Variants in CNTN4 observed in about 807,000 individuals in gnomAD.
The protein encoded by CNTN4 is contactin 4.
CNTN4 carries 77 observed loss-of-function variants against 122.5 expected under a neutral mutation model. The ratio of observed to expected loss-of-function variants is 0.63; its 90% confidence interval spans 0.52 to 0.76. CNTN4 has a LOEUF of 0.76. Ranked by LOEUF, CNTN4 falls within the 30% of genes least tolerant of loss-of-function variation. CNTN4 has a pLI of 0.00. For missense variants in CNTN4, 1,256 were observed against 1,259.1 expected (o/e 1.00, Z 0.04); for synonymous variants, 512 against 447.0 (o/e 1.15, Z -1.83).
At chr3:2,370,574 A>G (rs373246898) in intron 3 of CNTN4, among the ~76,000 whole-genome samples, 8 of 152,278 alleles carry the variant, frequency 5.3e-5, no homozygotes, top group African/African-American at 1.7e-4. Flanking sequence ...GAATGAGACA[A>G]TTTGATTCAA....
intron 3 of CNTN4, among the ~76,000 whole-genome samples, chr3:2,401,373 G>T (rs1053359370): frequency 6.6e-6 from 1 of 152,044 alleles, no homozygotes; most frequent in South Asian, 2.1e-4. Context: ...CAGTCAGATC[G>T]ATCTACTCGT....
intron 4 of CNTN4, among the ~76,000 whole-genome samples, chr3:2,674,845 G>T (rs912417497): frequency 6.6e-6 from 1 of 151,332 alleles, no homozygotes; most frequent in African/African-American, 2.4e-5. Context: ...ATGTAGCTGT[G>T]AATTTGGATC....
intron 7 of CNTN4, among the ~76,000 whole-genome samples, chr3:2,844,708 A>G (rs1268156581): frequency 6.6e-6 from 1 of 152,238 alleles, no homozygotes; most frequent in Non-Finnish European, 1.5e-5. Context: ...TAGGAAGCAT[A>G]TGTAGAGACT....
At chr3:2,529,774 TGAG>T (rs992513395) in intron 3 of CNTN4, among the ~76,000 whole-genome samples, 114 of 151,804 alleles carry the variant, frequency 7.5e-4, no homozygotes, top group African/African-American at 2.5e-3. Context: ...CACCATATGA[TGAG>T]GAGGAGGAGG....
intron 2 of CNTN4, among the ~76,000 whole-genome samples, chr3:2,185,876 A>T (rs535704795): frequency 6.6e-6 from 1 of 152,244 alleles, no homozygotes; most frequent in South Asian, 2.1e-4. Context: ...AGCCTTAATT[A>T]TAACATATCC....
intron 4 of CNTN4, among the ~76,000 whole-genome samples, chr3:2,646,839 G>A (rs949723032): frequency 6.6e-6 from 1 of 151,998 alleles, no homozygotes; most frequent in African/African-American, 2.4e-5. Flanking sequence ...CTTCTTATAA[G>A]GACAGCAGTC....
intron 4 of CNTN4, among the ~76,000 whole-genome samples, chr3:2,731,236 T>A (rs561356665): frequency 6.6e-6 from 1 of 152,180 alleles, no homozygotes; most frequent in Non-Finnish European, 1.5e-5. Flanking sequence ...TTTTTTCTGA[T>A]AATCCAAAGA....
chr3:2,863,360 T>G (rs1178881411), intron 7 of CNTN4, among the ~76,000 whole-genome samples: 1 of 151,780 alleles, frequency 6.6e-6, no homozygotes, highest in East Asian at 1.9e-4. Flanking sequence ...TCCACAGTAT[T>G]TACAAATGTC....
rs2034980887 is a variant in CNTN4, at chr3:2,141,259, T to C, written c.-145+40620T>C. 3.3e-5 allele frequency among the ~76,000 whole-genome samples: 5 copies of C among 152,280 alleles called. No individual in the cohort carries two copies. The East Asian group carries it at 9.7e-4, about 29-fold the overall frequency. Reference sequence around the variant, plus strand: ...TCTGCCAATATGATGAAGGTAAGGATCTTAAAATGAGGAAAAAATTCTGGA... The same window carrying C: ...TCTGCCAATATGATGAAGGTAAGGACCTTAAAATGAGGAAAAAATTCTGGA... On this transcript the variant is annotated intron_variant, in intron 2 of 24. Transcript: ENST00000418658.
intron 12 of CNTN4, among the ~76,000 whole-genome samples, chr3:2,916,921 G>A (rs7429939): frequency 0.4 from 55,256 of 138,740 alleles, 11,590 homozygotes; most frequent in East Asian, 0.61. Context: ...AGAGGCTGCA[G>A]TCTCGGCACT....
At chr3:2,223,767 G>A (rs1158990001) in intron 2 of CNTN4, among the ~76,000 whole-genome samples, 1 of 152,196 alleles carries the variant, frequency 6.6e-6, no homozygotes, top group African/African-American at 2.4e-5. Context: ...GTGGTACATG[G>A]TAGTATAAGG....
intron 4 of CNTN4, among the ~76,000 whole-genome samples, chr3:2,664,535 C>T (rs1470458725): frequency 6.6e-6 from 1 of 152,064 alleles, no homozygotes; most frequent in Non-Finnish European, 1.5e-5. Flanking sequence ...GAAGATAATA[C>T]ACTTAGCTAT....
intron 3 of CNTN4, among the ~76,000 whole-genome samples, chr3:2,359,602 G>C (rs1417013895): frequency 6.6e-5 from 10 of 152,026 alleles, no homozygotes; most frequent in Non-Finnish European, 1.3e-4. Context: ...TGCAGTGGCA[G>C]GATCTAGGCT....
At chr3:2,617,419 C>CTTTTTTTTTTTTTTTTTTTTTTTT (rs71058631) in intron 4 of CNTN4, among the ~76,000 whole-genome samples, 2 of 108,520 alleles carry the variant, frequency 1.8e-5, no homozygotes, top group African/African-American at 7.3e-5. Context: ...AGAGAAATGC[C>CTTTTTTTTTTTTTTTTTTTTTTTT]TTTTTTTTTT....
intron 14 of CNTN4, among the ~76,000 whole-genome samples, chr3:2,998,610 G>C (rs1050393969): frequency 6.6e-6 from 1 of 151,990 alleles, no homozygotes; most frequent in African/African-American, 2.4e-5. Context: ...GGTGACAATT[G>C]AACAGGGAAT....
intron 4 of CNTN4, among the ~76,000 whole-genome samples, chr3:2,591,912 C>T (rs978093568): frequency 6.6e-5 from 10 of 152,034 alleles, no homozygotes; most frequent in Admixed American, 2.6e-4. Flanking sequence ...GGGTCTCGTT[C>T]TGTGAGACCA....
intron 6 of CNTN4, among the ~76,000 whole-genome samples, chr3:2,770,431 G>A (rs181885902): frequency 2.0e-5 from 3 of 152,324 alleles, no homozygotes; most frequent in Admixed American, 1.3e-4. Context: ...CTTCCCTGGT[G>A]GGGGAGGGCC....
chr3:2,397,492 G>GTT (rs112257925), intron 3 of CNTN4, among the ~76,000 whole-genome samples: 3 of 146,982 alleles, frequency 2.0e-5, no homozygotes, highest in South Asian at 4.3e-4. Flanking sequence ...TTAGGTGCAA[G>GTT]TTTTTTTTTT....
intron 2 of CNTN4, among the ~76,000 whole-genome samples, chr3:2,160,101 A>G (rs1264032751): frequency 6.6e-6 from 1 of 152,186 alleles, no homozygotes; most frequent in Non-Finnish European, 1.5e-5. Context: ...TGCTTATGGA[A>G]AAGCTAAAGT....
Sources: gnomAD v4.1 joint callset for allele counts (sites outside exome capture counted in the v4.1 genomes callset) on GRCh38, gnomAD v4.1.1 for gene constraint, MANE v1.5 for transcripts, NCBI Gene and HGNC (gene_info 2026-07-23, HGNC 2026-07-21) for gene names.